SDK1: variants seen among roughly 807,000 people sequenced by gnomAD.
SDK1 encodes the protein sidekick cell adhesion molecule 1.
A neutral mutation model predicts 245.5 loss-of-function variants in SDK1; 157 were observed. That is an observed-to-expected ratio of 0.64 (90% CI 0.56 to 0.73). The LOEUF is 0.73. Ranked by LOEUF, SDK1 falls within the 30% of genes least tolerant of loss-of-function variation. SDK1 has a pLI of 0.00. For synonymous variants in SDK1, 1,647 were observed against 1,278.5 expected, an observed-to-expected ratio of 1.29 and a Z score of -6.15; for missense variants, 3,583 against 3,002.3, an observed-to-expected ratio of 1.19 and a Z score of -4.52.
chr7:3,644,146 C>G (rs1782746055), intron 4 of SDK1, among the ~76,000 whole-genome samples: 1 of 150,858 alleles, frequency 6.6e-6, no homozygotes, highest in South Asian at 2.1e-4. Context: ...AAATGATCCA[C>G]CTGCCTCGGC....
intron 22 of SDK1, among the ~76,000 whole-genome samples, chr7:4,086,283 T>C (rs1031197564): frequency 3.9e-5 from 6 of 152,182 alleles, no homozygotes; most frequent in Non-Finnish European, 8.8e-5. Context: ...GGATGTGTAT[T>C]AGTATTATAT....
At chr7:4,229,031 C>A (rs1294576704) in intron 40 of SDK1, among the ~76,000 whole-genome samples, 7 of 152,186 alleles carry the variant, frequency 4.6e-5, no homozygotes, top group African/African-American at 1.4e-4. Context: ...AATCCAGGCA[C>A]TGGGGACTGT....
intron 1 of SDK1, among the ~76,000 whole-genome samples, chr7:3,349,897 C>A (rs908332773): frequency 6.6e-6 from 1 of 152,134 alleles, no homozygotes; most frequent in African/African-American, 2.4e-5. Context: ...CCACCGTGCC[C>A]GGCCTAAGAG....
intron 5 of SDK1, among the ~76,000 whole-genome samples, chr7:3,847,152 C>T (rs1168541592): frequency 6.6e-6 from 1 of 152,040 alleles, no homozygotes; most frequent in African/African-American, 2.4e-5. Flanking sequence ...ACACCTGAAA[C>T]CTCCAAACCC....
chr7:3,832,549 G>C (rs897158750), intron 5 of SDK1, among the ~76,000 whole-genome samples: 8 of 152,168 alleles, frequency 5.3e-5, no homozygotes, highest in Admixed American at 1.3e-4. Context: ...TAAAGTATCT[G>C]TTAAAGTGAA....
intron 5 of SDK1, among the ~76,000 whole-genome samples, chr7:3,906,122 C>G (rs988845249): frequency 2.8e-4 from 42 of 152,112 alleles, no homozygotes; most frequent in African/African-American, 9.2e-4. Context: ...GTTATTTTCT[C>G]TTTAGCTTTG....
rs1405485846 is a variant in SDK1 at position 3,430,299 on chromosome 7, G to T, written c.298+128415G>T. ...AATGTTCTTAATTTTTTTTTGAGGG[G>T]AGGGGACTGTGTCCTAATTAGTAAT... On this transcript the variant is annotated intron_variant, in intron 1 of 44. Transcript: ENST00000404826. Among the ~76,000 whole-genome samples, 3 of 152,100 alleles carry T rather than the reference G, an allele frequency of 2.0e-5. No homozygotes were observed. The East Asian group carries it at 5.9e-4, about 30-fold the overall frequency.
At chr7:3,605,167 A>ACACACACACACACAC (rs1673507630) in intron 1 of SDK1, among the ~76,000 whole-genome samples, 1 of 73,860 alleles carries the variant, frequency 1.4e-5, no homozygotes, top group Non-Finnish European at 2.5e-5. Context: ...CACACACACT[A>ACACACACACACACAC]GGTGTGATGT....
At chr7:3,324,400 G>A in intron 1 of SDK1, among the ~76,000 whole-genome samples, 1 of 152,010 alleles carries the variant, frequency 6.6e-6, no homozygotes, top group East Asian at 1.9e-4. Flanking sequence ...CTCCCTTAAA[G>A]GCAGTTTTTT....
At chr7:3,631,534 G>T (rs1192439967) in intron 2 of SDK1, among the ~76,000 whole-genome samples, 2 of 152,164 alleles carry the variant, frequency 1.3e-5, no homozygotes, top group East Asian at 1.9e-4. Context: ...AAGGACAGCA[G>T]GTGCTATCTT....
chr7:4,234,686 C>A (rs1390871696), intron 41 of SDK1, among the ~76,000 whole-genome samples: 1 of 152,196 alleles, frequency 6.6e-6, no homozygotes, highest in African/African-American at 2.4e-5. Flanking sequence ...TAAACACACA[C>A]CCTCGCTGGC....
At chr7:3,672,784 T>C (rs1338617012) in intron 4 of SDK1, among the ~76,000 whole-genome samples, 2 of 104,628 alleles carry the variant, frequency 1.9e-5, no homozygotes, top group Admixed American at 1.1e-4. Flanking sequence ...TATATATATA[T>C]ATATATATAT....
chr7:4,252,217 C>G (rs1331112894), intron 44 of SDK1, among the ~76,000 whole-genome samples: 1 of 146,506 alleles, frequency 6.8e-6, no homozygotes, highest in East Asian at 2.0e-4. Flanking sequence ...CTCCCCCCAC[C>G]CCACAACAGG....
At chr7:3,557,378 A>T (rs1439212556) in intron 1 of SDK1, among the ~76,000 whole-genome samples, 2 of 152,192 alleles carry the variant, frequency 1.3e-5, no homozygotes, top group African/African-American at 4.8e-5. Flanking sequence ...CTAATACTCA[A>T]CCAGGATGAA....
intron 4 of SDK1, among the ~76,000 whole-genome samples, chr7:3,692,794 G>A (rs558088264): frequency 3.9e-5 from 6 of 151,994 alleles, no homozygotes; most frequent in South Asian, 2.1e-4. Flanking sequence ...TTCTAGAATC[G>A]CATCGATTTA....
At chr7:4,153,383 C>T (rs1007106127) in intron 30 of SDK1, among the ~76,000 whole-genome samples, 2 of 151,966 alleles carry the variant, frequency 1.3e-5, no homozygotes, top group East Asian at 1.9e-4. Flanking sequence ...GTCAGGAGAT[C>T]GAGCCCATCC....
intron 1 of SDK1, among the ~76,000 whole-genome samples, chr7:3,479,872 A>G (rs1203272395): frequency 1.3e-5 from 2 of 151,850 alleles, no homozygotes; most frequent in Non-Finnish European, 2.9e-5. Context: ...AAAAAAAAAA[A>G]AAAATTTTTT....
intron 4 of SDK1, among the ~76,000 whole-genome samples, chr7:3,795,662 G>A (rs1778944710): frequency 1.3e-5 from 2 of 152,028 alleles, no homozygotes; most frequent in African/African-American, 4.8e-5. Context: ...TGACACTGAT[G>A]TATTAGAACC....
chr7:3,892,964 G>T (rs1184740163), intron 5 of SDK1, among the ~76,000 whole-genome samples: 1 of 152,162 alleles, frequency 6.6e-6, no homozygotes, highest in East Asian at 1.9e-4. Context: ...CAGGGAACAG[G>T]CTGCCTTCCC....
Sources: allele counts gnomAD v4.1 joint callset (sites outside exome capture counted in the v4.1 genomes callset), GRCh38; gene constraint gnomAD v4.1.1; transcripts MANE v1.5; gene names NCBI Gene and HGNC (gene_info 2026-07-23, HGNC 2026-07-21).